STK33: variants seen among roughly 807,000 people sequenced by gnomAD.
STK33 encodes the protein serine/threonine kinase 33, also known as serine/threonine-protein kinase 33.
A neutral mutation model predicts 58.0 loss-of-function variants in STK33; 52 were observed. That is an observed-to-expected ratio of 0.90 (90% CI 0.72 to 1.13). The LOEUF (loss-of-function observed/expected upper bound fraction) is 1.13, where lower values mean the gene tolerates loss of function less well. Among genes scored for constraint, STK33 ranks in the 50% most tolerant of loss-of-function variants. STK33 has a pLI of 0.00. For missense variants in STK33, 630 were observed against 604.2 expected (o/e 1.04, Z -0.45); for synonymous variants, 215 against 200.1 (o/e 1.07, Z -0.63).
intron 1 of STK33, among the ~76,000 whole-genome samples, chr11:8,507,730 G>A (rs80244757): frequency 0.18 from 27,849 of 151,898 alleles, 2,730 homozygotes; most frequent in East Asian, 0.3. Context: ...AATACAAACT[G>A]ACAACTGAGG....
intron 1 of STK33, among the ~76,000 whole-genome samples, chr11:8,548,410 T>C (rs1956089995): frequency 6.6e-6 from 1 of 152,182 alleles, no homozygotes; most frequent in South Asian, 2.1e-4. Flanking sequence ...TGAAAATAAA[T>C]TGGCTGTAAA....
At chr11:8,519,641 TA>T (rs1169276269) in intron 1 of STK33, among the ~76,000 whole-genome samples, 1 of 151,750 alleles carries the variant, frequency 6.6e-6, no homozygotes, top group Non-Finnish European at 1.5e-5. Flanking sequence ...ATAGACACAA[TA>T]AAAAATGATA....
chr11:8,481,502 A>G (rs1010139084), intron 1 of STK33, among the ~76,000 whole-genome samples: 1 of 152,220 alleles, frequency 6.6e-6, no homozygotes, highest in Non-Finnish European at 1.5e-5. Context: ...TACAAATACA[A>G]TAAACAAGGC....
chr11:8,507,105 T>C (rs1049139975), intron 1 of STK33, among the ~76,000 whole-genome samples: 5 of 152,134 alleles, frequency 3.3e-5, no homozygotes, highest in African/African-American at 1.2e-4. Flanking sequence ...ATTTTCCAGA[T>C]TTACCTAATT....
intron 1 of STK33, among the ~76,000 whole-genome samples, chr11:8,511,735 C>T (rs979456217): frequency 8.6e-5 from 13 of 151,980 alleles, no homozygotes; most frequent in East Asian, 5.8e-4. Context: ...ATTCAAATGA[C>T]GATATGATTT....
intron 1 of STK33, among the ~76,000 whole-genome samples, chr11:8,483,759 C>G (rs981563504): frequency 7.2e-5 from 11 of 152,174 alleles, no homozygotes; most frequent in African/African-American, 2.7e-4. Context: ...GTGACAAATT[C>G]ACTATAGTCA....
At chr11:8,354,516 A>ACACACACACACACACACACACC in the STK33 span, among the ~76,000 whole-genome samples, 15 of 127,760 alleles carry the variant, frequency 1.2e-4, no homozygotes, top group East Asian at 2.3e-4. Flanking sequence ...ACACACACAC[A>ACACACACACACACACACACACC]CCCCTCAGAC....
At chr11:8,367,308 G>C in the STK33 span, among the ~76,000 whole-genome samples, 4 of 152,240 alleles carry the variant, frequency 2.6e-5, no homozygotes, top group Non-Finnish European at 5.9e-5. Flanking sequence ...CATGCAGATT[G>C]TGAGTGCGTG....
intron 11 of STK33, among the ~76,000 whole-genome samples, chr11:8,447,412 G>C (rs969182407): frequency 3.0e-4 from 45 of 152,196 alleles, no homozygotes; most frequent in Non-Finnish European, 2.5e-4. Flanking sequence ...ACCAAATCCA[G>C]CAGCACATCA....
intron 1 of STK33, among the ~76,000 whole-genome samples, chr11:8,534,637 CA>C (rs1167629450): frequency 6.8e-6 from 1 of 146,736 alleles, no homozygotes; most frequent in Non-Finnish European, 1.5e-5. Flanking sequence ...TGGTCTGGGT[CA>C]ATTTGGAACT....
intron 1 of STK33, among the ~76,000 whole-genome samples, chr11:8,512,345 T>C (rs1952402918): frequency 6.6e-6 from 1 of 151,938 alleles, no homozygotes; most frequent in African/African-American, 2.4e-5. Context: ...AAAAAAAATA[T>C]CAACCAGAGT....
chr11:8,479,102 C>T (rs1443559101), intron 2 of STK33, among the ~76,000 whole-genome samples: 1 of 152,048 alleles, frequency 6.6e-6, no homozygotes, highest in Non-Finnish European at 1.5e-5. Context: ...TAAATGTGGC[C>T]CCTATACTGA....
Position 8,461,894 on chromosome 11 carries a change from C to A in STK33, c.469G>T (p.Val157Leu). The A allele has an allele frequency of 6.3e-7, 1 of 1,594,262 alleles. No homozygotes were observed. The highest frequency in any genetic ancestry group is 1.7e-4 in the Middle Eastern group (1 of 6,024). ...VNKEKAGSSAVKLLEREVNIL... is the reference protein window; with the variant it reads ...VNKEKAGSSALKLLEREVNIL... Reference sequence around the variant, plus strand: ...TTCACCTCTCGTTCAAGTAACTTCACAGCAGAGCTTCCAGCCTTAATCAAT... The same window carrying A: ...TTCACCTCTCGTTCAAGTAACTTCAAAGCAGAGCTTCCAGCCTTAATCAAT... Residue 157 changes from valine to leucine, a missense_variant, in exon 8 of 16, where the codon GTG becomes TTG. Coordinates refer to ENST00000687296, the MANE Select transcript of STK33 (RefSeq NM_001352389.2).
the STK33 span, among the ~76,000 whole-genome samples, chr11:8,335,341 C>T: frequency 3.5e-4 from 54 of 152,168 alleles, no homozygotes; most frequent in Non-Finnish European, 5.1e-4. Flanking sequence ...CGAGGGCTCC[C>T]ACCTCTACTC....
At chr11:8,534,852 T>A (rs973146937) in intron 1 of STK33, among the ~76,000 whole-genome samples, 3 of 152,064 alleles carry the variant, frequency 2.0e-5, no homozygotes, top group African/African-American at 4.8e-5. Context: ...GTCCTATAGA[T>A]CTTAAGGAGA....
intron 15 of STK33, among the ~76,000 whole-genome samples, chr11:8,397,586 C>T (rs1376923520): frequency 1.3e-5 from 2 of 152,170 alleles, no homozygotes; most frequent in Non-Finnish European, 2.9e-5. Flanking sequence ...CAGCTTCTCA[C>T]CAGCAGCAGA....
the STK33 span, among the ~76,000 whole-genome samples, chr11:8,375,496 C>T: frequency 2.6e-5 from 4 of 152,176 alleles, no homozygotes; most frequent in Non-Finnish European, 1.5e-5. Context: ...AATAGAACTA[C>T]TCAATGATTT....
At chr11:8,366,197 C>T in the STK33 span, among the ~76,000 whole-genome samples, 1 of 152,190 alleles carries the variant, frequency 6.6e-6, no homozygotes, top group African/African-American at 2.4e-5. Context: ...GTGGGCCCAT[C>T]AGGGGAGGCT....
At chr11:8,394,538 T>C (rs1421115317) in intron 15 of STK33, among the ~76,000 whole-genome samples, 2 of 152,240 alleles carry the variant, frequency 1.3e-5, no homozygotes, top group East Asian at 1.9e-4. Flanking sequence ...TCTGGCTTAA[T>C]GGTTCCATTC....
Sources: allele counts gnomAD v4.1 joint callset (sites outside exome capture counted in the v4.1 genomes callset), GRCh38; gene constraint gnomAD v4.1.1; transcripts MANE v1.5; gene names NCBI Gene and HGNC (gene_info 2026-07-23, HGNC 2026-07-21).